The following KCNH7 variants were observed in gnomAD, a reference collection of about 807,000 sequenced individuals.
KCNH7 encodes potassium voltage-gated channel subfamily H member 7.
A neutral mutation model predicts 120.8 loss-of-function variants in KCNH7; 49 were observed. The observed-to-expected ratio is 0.41, with a 90% CI of 0.32 to 0.51. KCNH7 has a LOEUF of 0.51. KCNH7 is among the 20% of genes least tolerant of loss of function. The pLI is 0.38. For missense variants in KCNH7, 1,097 were observed against 1,446.6 expected (o/e 0.76, Z 3.92); for synonymous variants, 547 against 516.1 (o/e 1.06, Z -0.81).
At chr2:162,684,162 C>CCATA (rs1359798484) in intron 2 of KCNH7, among the ~76,000 whole-genome samples, 5 of 152,110 alleles carry the variant, frequency 3.3e-5, no homozygotes, top group Non-Finnish European at 7.4e-5. Context: ...AAAACTGTAA[C>CCATA]TGGACCCCTT....
At chr2:162,450,457 A>G (rs1251605178) in intron 6 of KCNH7, among the ~76,000 whole-genome samples, 1 of 152,066 alleles carries the variant, frequency 6.6e-6, no homozygotes, top group African/African-American at 2.4e-5. Flanking sequence ...TAATTGTCTC[A>G]TGACTTTTAA....
intron 2 of KCNH7, among the ~76,000 whole-genome samples, chr2:162,564,268 T>C (rs1185313446): frequency 7.4e-6 from 1 of 135,110 alleles, no homozygotes; most frequent in African/African-American, 2.9e-5. Flanking sequence ...CTGTATTTCT[T>C]CTGTCTGATT....
At chr2:162,396,512 A>G (rs1439217849) in intron 11 of KCNH7, among the ~76,000 whole-genome samples, 1 of 151,854 alleles carries the variant, frequency 6.6e-6, no homozygotes, top group Non-Finnish European at 1.5e-5. Flanking sequence ...TACAAGGTCA[A>G]ACCTAATTGA....
intron 2 of KCNH7, among the ~76,000 whole-genome samples, chr2:162,824,935 T>C (rs988572820): frequency 3.3e-5 from 5 of 151,984 alleles, no homozygotes; most frequent in Non-Finnish European, 7.4e-5. Context: ...AAAAGCTCTT[T>C]CATTAGTTAT....
At chr2:162,798,411 T>G (rs970563547) in intron 2 of KCNH7, among the ~76,000 whole-genome samples, 1 of 152,100 alleles carries the variant, frequency 6.6e-6, no homozygotes, top group Non-Finnish European at 1.5e-5. Context: ...TCTTAGGAGA[T>G]ACACATGAAT....
At chr2:162,377,605 G>A (rs1006491515) in intron 14 of KCNH7, among the ~76,000 whole-genome samples, 1 of 152,150 alleles carries the variant, frequency 6.6e-6, no homozygotes, top group Non-Finnish European at 1.5e-5. Flanking sequence ...AGTATGTTTT[G>A]TGTTAGGTTA....
chr2:162,492,235 T>G (rs1690334707), intron 6 of KCNH7, among the ~76,000 whole-genome samples: 1 of 152,230 alleles, frequency 6.6e-6, no homozygotes, highest in Non-Finnish European at 1.5e-5. Context: ...TTGTGTGTCT[T>G]TCTGTATGGT....
chr2:162,399,520 T>C (rs2105443032), intron 10 of KCNH7, among the ~76,000 whole-genome samples: 1 of 151,896 alleles, frequency 6.6e-6, no homozygotes, highest in Non-Finnish European at 1.5e-5. Flanking sequence ...ATCCCTCCCC[T>C]CTCTCCACAC....
At chr2:162,637,695 A>T (rs1396222329) in intron 2 of KCNH7, among the ~76,000 whole-genome samples, 1 of 152,060 alleles carries the variant, frequency 6.6e-6, no homozygotes, top group African/African-American at 2.4e-5. Flanking sequence ...ATCATGTTGT[A>T]CATCATAAAT....
intron 2 of KCNH7, among the ~76,000 whole-genome samples, chr2:162,812,079 T>A (rs868329763): frequency 6.6e-6 from 1 of 152,286 alleles, no homozygotes; most frequent in South Asian, 2.1e-4. Flanking sequence ...TGAGCACATG[T>A]GCACACACAC....
At chr2:162,626,635 T>A (rs1683571234) in intron 2 of KCNH7, among the ~76,000 whole-genome samples, 1 of 152,248 alleles carries the variant, frequency 6.6e-6, no homozygotes, top group South Asian at 2.1e-4. Context: ...TTTATCCGAA[T>A]TGTAGGCTAG....
At chr2:162,504,958 T>A (rs1325050167) in intron 5 of KCNH7, among the ~76,000 whole-genome samples, 2 of 152,038 alleles carry the variant, frequency 1.3e-5, no homozygotes, top group Non-Finnish European at 2.9e-5. Flanking sequence ...CACTCTCTGT[T>A]ACTGGTCAAA....
chr2:162,404,245 A>G (rs2105451579), intron 9 of KCNH7, among the ~76,000 whole-genome samples: 1 of 152,068 alleles, frequency 6.6e-6, no homozygotes, highest in South Asian at 2.1e-4. Context: ...GAAGGAACAT[A>G]TCACCTTCCA....
At chr2:162,453,881 G>T (rs769922141) in intron 6 of KCNH7, among the ~76,000 whole-genome samples, 3 of 151,988 alleles carry the variant, frequency 2.0e-5, no homozygotes, top group Non-Finnish European at 4.4e-5. Flanking sequence ...GTAGATTGGA[G>T]AAATTTTCTC....
At chr2:162,803,834 T>A (rs1684432688) in intron 2 of KCNH7, among the ~76,000 whole-genome samples, 1 of 151,724 alleles carries the variant, frequency 6.6e-6, no homozygotes, top group South Asian at 2.1e-4. Flanking sequence ...TGTGTTTGCA[T>A]TTTTTACTTA....
At position 162,572,660 on chromosome 2, in the gene KCNH7, A is replaced by G. The variant is rs553679036; in HGVS notation, c.308-35580T>C. ...TTGGAACCAACCCAAATGTCCAACA[A>G]TGATAGACTGGATTAAGAAAATGTG... is the stretch of plus-strand genomic sequence containing the variant. On this transcript the variant is annotated intron_variant, in intron 2 of 15. Coordinates refer to ENST00000332142, the MANE Select transcript of KCNH7 (RefSeq NM_033272.4). Among the ~76,000 whole-genome samples, 203 of 126,034 alleles carry G rather than the reference A, an allele frequency of 1.6e-3. 1 individual carries two copies. Among genetic ancestry groups the G allele is most frequent in the Middle Eastern group, 3.5e-3 (1 of 284 alleles). The allele number at this position is 126,034 out of a possible 152,430, so 82.7% of individuals were successfully genotyped here. A position where few individuals can be genotyped will look rare whatever the true frequency, so the allele number is the denominator to read the frequency against.
chr2:162,425,904 T>C (rs1467054533), intron 8 of KCNH7, among the ~76,000 whole-genome samples: 1 of 152,032 alleles, frequency 6.6e-6, no homozygotes, highest in Non-Finnish European at 1.5e-5. Flanking sequence ...TATAAGTACA[T>C]AGTTGAATAG....
intron 2 of KCNH7, among the ~76,000 whole-genome samples, chr2:162,665,559 C>T (rs184905738): frequency 7.2e-5 from 11 of 152,088 alleles, no homozygotes; most frequent in Admixed American, 5.9e-4. Context: ...TTTTCTAATA[C>T]CTCTCTAAAA....
chr2:162,689,845 G>A (rs1359259361), intron 2 of KCNH7, among the ~76,000 whole-genome samples: 1 of 152,066 alleles, frequency 6.6e-6, no homozygotes, highest in Non-Finnish European at 1.5e-5. Flanking sequence ...TAACAGAAGT[G>A]CCATTCAATC....
Sources: gnomAD v4.1 joint callset for allele counts (sites outside exome capture counted in the v4.1 genomes callset) on GRCh38, gnomAD v4.1.1 for gene constraint, MANE v1.5 for transcripts, NCBI Gene and HGNC (gene_info 2026-07-23, HGNC 2026-07-21) for gene names.